The following RAP1B variants were observed in gnomAD, a reference collection of about 807,000 sequenced individuals.
RAP1B encodes RAP1B, member of RAS oncogene family.
RAP1B carries 1 observed loss-of-function variant against 27.5 expected under a neutral mutation model. The ratio of observed to expected loss-of-function variants is 0.04; its 90% CI spans 0.01 to 0.17. RAP1B has a LOEUF of 0.17. Among genes scored for constraint, RAP1B ranks in the 10% least tolerant of loss-of-function variants. RAP1B has a pLI of 1.00. For missense variants in RAP1B, 84 were observed against 214.8 expected, an observed-to-expected ratio of 0.39 and a Z score of 3.81; for synonymous variants, 75 against 73.1, an observed-to-expected ratio of 1.03 and a Z score of -0.13.
rs959549700 is a variant in RAP1B, at chr12:68,659,596, A to G, written c.*347A>G. 3 of 182,898 alleles carry G rather than the reference A, an allele frequency of 1.6e-5. No homozygotes were observed. Among genetic ancestry groups the G allele is most frequent in the Non-Finnish European group, 3.5e-5 (3 of 86,088 alleles). 11.3% of individuals were successfully genotyped at this position (182,898 alleles called of 1,614,324 possible). On this transcript the variant is annotated 3_prime_UTR_variant, in exon 8 of 8. Transcript: ENST00000250559. ...TAACATGCCCCATACTTTGTATTGG[A>G]GAGTACAATAATGTAAATCCTAAAA...
chr12:68,655,891 C>G (rs994566703), intron 5 of RAP1B, among the ~76,000 whole-genome samples: 8 of 152,082 alleles, frequency 5.3e-5, no homozygotes, highest in Admixed American at 3.3e-4. Flanking sequence ...ATTTTGGGAG[C>G]CTTCCGTCCA....
intron 3 of RAP1B, among the ~76,000 whole-genome samples, chr12:68,651,373 A>G (rs1189178701): frequency 6.6e-6 from 1 of 152,088 alleles, no homozygotes; most frequent in Non-Finnish European, 1.5e-5. Flanking sequence ...CTCCATGTGC[A>G]TAGTCTACCA....
intron 1 of RAP1B, among the ~76,000 whole-genome samples, chr12:68,617,182 A>G (rs978269341): frequency 3.3e-5 from 5 of 152,248 alleles, no homozygotes; most frequent in African/African-American, 9.6e-5. Flanking sequence ...AAGGGTATCA[A>G]TAAAATAAGG....
At chr12:68,612,481 G>T (rs1187102773) in intron 1 of RAP1B, among the ~76,000 whole-genome samples, 1 of 152,184 alleles carries the variant, frequency 6.6e-6, no homozygotes, top group African/African-American at 2.4e-5. Context: ...TTTTATGGAG[G>T]AGGAAACTGA....
chr12:68,634,825 TTA>T (rs1421075653), intron 1 of RAP1B, among the ~76,000 whole-genome samples: 1 of 152,194 alleles, frequency 6.6e-6, no homozygotes, highest in Non-Finnish European at 1.5e-5. Flanking sequence ...GCATGTCAAA[TTA>T]TATGTTGTTG....
At chr12:68,652,462 A>C (rs752030359) in intron 4 of RAP1B, among the ~76,000 whole-genome samples, 1 of 152,138 alleles carries the variant, frequency 6.6e-6, no homozygotes, top group African/African-American at 2.4e-5. Context: ...GTCAAAAAAA[A>C]ACATAAGACT....
chr12:68,619,813 A>T (rs1871269921), intron 1 of RAP1B, among the ~76,000 whole-genome samples: 1 of 152,176 alleles, frequency 6.6e-6, no homozygotes, highest in South Asian at 2.1e-4. Context: ...TAATCAGTTT[A>T]ACTTCTTTGT....
At chr12:68,623,138 AG>A (rs1471062846) in intron 1 of RAP1B, among the ~76,000 whole-genome samples, 1 of 152,276 alleles carries the variant, frequency 6.6e-6, no homozygotes, top group South Asian at 2.1e-4. Context: ...ACTATATGTT[AG>A]GATTAAATTG....
At chr12:68,626,047 A>C (rs1871750044) in intron 1 of RAP1B, among the ~76,000 whole-genome samples, 1 of 152,176 alleles carries the variant, frequency 6.6e-6, no homozygotes, top group South Asian at 2.1e-4. Flanking sequence ...TTCTCCTCTC[A>C]TGGAAGACAC....
intron 1 of RAP1B, 90 bp from the exon 2 acceptor site, chr12:68,648,609 A>C: frequency 9.4e-7 from 1 of 1,066,680 alleles, no homozygotes; most frequent in Non-Finnish European, 1.4e-6. Context: ...ATTTTAAATA[A>C]ATCTATTTTC....
rs1874968512 is a variant in RAP1B, at chr12:68,669,161, C to T, written c.*9912C>T. ...TCTTTATATTTATAAAAAATACCTA[C>T]AAGTTGATATAGTAAACACGACAGA... On this transcript the variant is annotated 3_prime_UTR_variant, in exon 8 of 8. Coordinates refer to ENST00000250559, the MANE Select transcript of RAP1B (RefSeq NM_001010942.3). 1 of 152,068 alleles carries T rather than the reference C, an allele frequency of 6.6e-6. No individual in the cohort carries two copies. Among genetic ancestry groups the T allele is most frequent in the Non-Finnish European group, 1.5e-5 (1 of 68,016 alleles). 9.4% of individuals were successfully genotyped at this position (152,068 alleles called of 1,614,324 possible).
chr12:68,629,954 T>A (rs760658692), intron 1 of RAP1B, among the ~76,000 whole-genome samples: 1 of 152,214 alleles, frequency 6.6e-6, no homozygotes, highest in Non-Finnish European at 1.5e-5. Context: ...GTTTAAAATA[T>A]TCTACAGCAG....
rs1874266751 is a variant in RAP1B, at chr12:68,657,187, A to G, written c.555A>G (p.Ter185=). The G allele has an allele frequency of 6.2e-7, 1 of 1,603,026 alleles. No homozygotes were observed. The highest frequency in any genetic ancestry group is 8.5e-7 in the Non-Finnish European group (1 of 1,170,070). The change falls in exon 7 of 8, where the codon TAA becomes TAG. Residue 185 remains the stop codon, a stop_retained_variant. Transcript: ENST00000250559. ...ARKKSSCQLL[*] ...AAAAGTCATCATGTCAGCTGCTTTA[A>G]TATACTAAATGCATTGTAGCTCTGA...
At chr12:68,631,211 C>A (rs1193481314) in intron 1 of RAP1B, among the ~76,000 whole-genome samples, 2 of 152,110 alleles carry the variant, frequency 1.3e-5, no homozygotes, top group African/African-American at 4.8e-5. Flanking sequence ...TACTTAATAT[C>A]CATATAATAT....
At chr12:68,638,649 T>C (rs1388625921) in intron 1 of RAP1B, among the ~76,000 whole-genome samples, 1 of 152,158 alleles carries the variant, frequency 6.6e-6, no homozygotes, top group Non-Finnish European at 1.5e-5. Context: ...TTTATAGTAA[T>C]TAAGGAATCT....
intron 1 of RAP1B, among the ~76,000 whole-genome samples, chr12:68,643,600 T>A (rs1873180426): frequency 6.6e-6 from 1 of 152,172 alleles, no homozygotes; most frequent in Admixed American, 6.5e-5. Flanking sequence ...TGCTTACCTG[T>A]TTGTTTCTTT....
chr12:68,662,520 T>C lies in RAP1B; in HGVS notation c.*3271T>C, dbSNP rs577325922. ...TTTTTTTTTTAAATCATTCCGTCTTTAGTTGTGGGACAGCAAACTTAGAAT... is the reference window on the plus strand; with the variant it reads ...TTTTTTTTTTAAATCATTCCGTCTTCAGTTGTGGGACAGCAAACTTAGAAT... On this transcript the variant is annotated 3_prime_UTR_variant, in exon 8 of 8. Coordinates refer to ENST00000250559, the MANE Select transcript of RAP1B (RefSeq NM_001010942.3). 7.9e-5 allele frequency: 12 copies of C among 152,250 alleles called. No individual in the cohort carries two copies. The highest frequency in any genetic ancestry group is 2.1e-4 in the South Asian group (1 of 4,834). The allele number at this position is 152,250 out of a possible 1,614,324, so 9.4% of individuals were successfully genotyped here.
chr12:68,631,862 G>C (rs1872260019), intron 1 of RAP1B, among the ~76,000 whole-genome samples: 1 of 152,014 alleles, frequency 6.6e-6, no homozygotes, highest in Non-Finnish European at 1.5e-5. Flanking sequence ...CCATCTTTCA[G>C]AATATGAAAT....
intron 1 of RAP1B, among the ~76,000 whole-genome samples, chr12:68,634,740 T>C (rs1298166544): frequency 6.6e-6 from 1 of 152,232 alleles, no homozygotes; most frequent in Non-Finnish European, 1.5e-5. Context: ...CTATTCTGTA[T>C]TCTACCATAC....
Sources: allele counts gnomAD v4.1 joint callset (sites outside exome capture counted in the v4.1 genomes callset), GRCh38; gene constraint gnomAD v4.1.1; transcripts MANE v1.5; gene names NCBI Gene and HGNC (gene_info 2026-07-23, HGNC 2026-07-21).